The following TCIRG1 variants were observed in gnomAD, a reference collection of about 807,000 sequenced individuals.
TCIRG1 encodes the protein V-type proton ATPase 116 kDa subunit a 3.
In TCIRG1, 86 loss-of-function variants were observed where a neutral mutation model predicts 95.5. That is an observed-to-expected ratio of 0.90 (90% CI 0.76 to 1.08). The LOEUF is 1.08. TCIRG1 is among the 50% of genes least tolerant of loss of function. The pLI is 0.00. For missense variants in TCIRG1, 1,069 were observed against 1,140.2 expected, an observed-to-expected ratio of 0.94 and a Z score of 0.90; for synonymous variants, 499 against 501.3, an observed-to-expected ratio of 1.00 and a Z score of 0.06.
intron 9 of TCIRG1, 190 bp from the exon 10 acceptor site, chr11:68,044,768 C>T: frequency 1.4e-6 from 1 of 711,592 alleles, no homozygotes; most frequent in Non-Finnish European, 2.3e-6. Context: ...AAGCAATTGC[C>T]AATCCATGTG....
At chr11:68,049,895 G>T in intron 16 of TCIRG1, 67 bp from the exon 17 acceptor site, 1 of 1,559,236 alleles carries the variant, frequency 6.4e-7, no homozygotes, top group African/African-American at 1.4e-5. Flanking sequence ...GCCAGGAGCA[G>T]GCCTGGCGGG....
chr11:68,044,303 C>G lies in TCIRG1; in HGVS notation c.979C>G (p.Arg327Gly). ...CATTGCCGAGGCCTGGTGCTCTGTG[C>G]GAGACCTGCCCGCCCTGCAGGAGGC... ...CLIAEAWCSV[R>G]DLPALQEALR... Residue 327 changes from arginine (R) to glycine (G), a missense_variant, in exon 9 of 20, where the codon CGA becomes GGA. Physicochemically the swap from Arg to Gly is moderately radical, Grantham distance 125. Transcript: ENST00000265686. The G allele has an allele frequency of 1.2e-6, 2 of 1,602,622 alleles. No homozygotes were observed. Among genetic ancestry groups the G allele is most frequent in the Non-Finnish European group, 8.5e-7 (1 of 1,176,948 alleles).
rs1437119913 is a variant in TCIRG1, at chr11:68,049,685, TGGTCCTGGC to T, written c.1911_1919del (p.Val638_Ala640del). ...CAGGAGGTGGTCCAGGCCACGCTGG[TGGTCCTGGC>T]CTTGGCCATGGTGCCCATCCTGCTG... On this transcript the variant is annotated inframe_deletion, in exon 16 of 20. Transcript: ENST00000265686. 1.2e-6 allele frequency: 2 copies of T among 1,600,756 alleles called. No homozygotes were observed. The highest frequency in any genetic ancestry group is 2.7e-5 in the African/African-American group (2 of 74,850).
chr11:68,044,227 C>T lies in TCIRG1; in HGVS notation c.903C>T (p.Ala301=), dbSNP rs773632286. Residue 301 remains alanine (A), a synonymous_variant, in exon 9 of 20, where the codon GCC becomes GCT. Transcript: ENST00000265686. ...PGQVQVHKMK[A]VYLALNQCSV... ...AGGTGCAGGTCCACAAGATGAAGGCCGTGTACCTGGCCCTGAACCAGTGCA... is the reference window on the plus strand; with the variant it reads ...AGGTGCAGGTCCACAAGATGAAGGCTGTGTACCTGGCCCTGAACCAGTGCA... 4.4e-5 allele frequency: 70 copies of T among 1,586,688 alleles called. No individual in the cohort carries two copies. The East Asian group carries it at 1.1e-3, about 25-fold the overall frequency.
At chr11:68,050,953 C>T (rs1043610548), downstream of TCIRG1, 32 of 1,009,900 alleles carry the variant, frequency 3.2e-5, no homozygotes, top group Non-Finnish European at 4.2e-5. Flanking sequence ...GGGTAGAAGG[C>T]ATGGTGTAGG....
Position 68,042,954 on chromosome 11 carries a change from C to T in TCIRG1, c.426C>T (p.Ala142=), listed in dbSNP as rs1006980323. The T allele has an allele frequency of 1.9e-5, 29 of 1,553,962 alleles. 1 individual carries two copies. The highest frequency in any genetic ancestry group is 9.6e-5 in the African/African-American group (7 of 73,170). ...TGCTTCTGGGTTCCTAGCTGGCAGCCGCCCACACAGATGGGGCCTCAGAGA... is the reference window on the plus strand; with the variant it reads ...TGCTTCTGGGTTCCTAGCTGGCAGCTGCCCACACAGATGGGGCCTCAGAGA... ...LRQGHEPQLA[A]AHTDGASERT... is the part of the protein sequence containing the mutation. Residue 142 remains alanine, a synonymous_variant, in exon 5 of 20, where the codon GCC becomes GCT. Transcript: ENST00000265686.
At chr11:68,049,875 C>T (rs1855707921) in intron 16 of TCIRG1, 87 bp downstream of exon 16, 1 of 1,556,592 alleles carries the variant, frequency 6.4e-7, no homozygotes, top group Non-Finnish European at 8.7e-7. Context: ...TCCTGACAGA[C>T]TCCTGAGTGG....
At chr11:68,041,638 C>T (rs998261191) in intron 2 of TCIRG1, 115 bp from the exon 3 acceptor site, 2 of 901,850 alleles carry the variant, frequency 2.2e-6, no homozygotes, top group African/African-American at 3.3e-5. Flanking sequence ...CAGGGCACTC[C>T]ACACCTTTCT....
downstream of TCIRG1, among the ~76,000 whole-genome samples, chr11:68,051,872 A>G (rs1396754659): frequency 6.6e-6 from 1 of 152,140 alleles, no homozygotes; most frequent in Non-Finnish European, 1.5e-5. Flanking sequence ...AGGTGGGGAT[A>G]GGTGAGCAGC....
rs1004745337 is a variant in TCIRG1, at chr11:68,041,155, G to C, written c.-4-113G>C. On this transcript the variant is annotated intron_variant, in intron 1 of 19. Transcript: ENST00000265686. ...GCCTCAGTTTCCACCTCTGTCAGAT[G>C]GGGGTGGTAACAGCAGCTTCCAGGA... is the stretch of plus-strand genomic sequence containing the variant. 4 of 782,238 alleles carry C rather than the reference G, an allele frequency of 5.1e-6. No individual in the cohort carries two copies. The African/African-American group carries it at 6.7e-5, about 13-fold the overall frequency. The allele number at this position is 782,238 out of a possible 1,614,324, so 48.5% of individuals were successfully genotyped here.
rs763513622 is a variant in TCIRG1 at position 68,042,938 on chromosome 11, G to A, written c.418-8G>A. 30 of 1,552,830 alleles carry A rather than the reference G, an allele frequency of 1.9e-5. No individual in the cohort carries two copies. The African/African-American group carries it at 3.5e-4, about 18-fold the overall frequency. On this transcript the variant is annotated splice_region_variant and splice_polypyrimidine_tract_variant and intron_variant, in intron 4 of 19. Coordinates refer to ENST00000265686, the MANE Select transcript of TCIRG1 (RefSeq NM_006019.4). ...AGCCTAGGGCTCATGGTGCTTCTGG[G>A]TTCCTAGCTGGCAGCCGCCCACACA...
rs774258481 is a variant in TCIRG1, at chr11:68,049,660, C to T, written c.1888-3C>T. The T allele has an allele frequency of 6.2e-7, 1 of 1,600,322 alleles. No individual in the cohort carries two copies. The highest frequency in any genetic ancestry group is 8.5e-7 in the Non-Finnish European group (1 of 1,179,116). On this transcript the variant is annotated splice_polypyrimidine_tract_variant and splice_region_variant and intron_variant, in intron 15 of 19. Transcript: ENST00000265686. ...GCCCTGACTCTCGCCCTCTCCCTGGCAGGAGGTGGTCCAGGCCACGCTGGT... is the reference window on the plus strand; with the variant it reads ...GCCCTGACTCTCGCCCTCTCCCTGGTAGGAGGTGGTCCAGGCCACGCTGGT...
At chr11:68,043,317 G>A (rs1855273351) in intron 5 of TCIRG1, 54 bp from the exon 6 acceptor site, 3 of 1,527,226 alleles carry the variant, frequency 2.0e-6, no homozygotes, top group Non-Finnish European at 2.6e-6. Flanking sequence ...GGGGCCTGGT[G>A]GGGGAGGCAG....
rs1855557603 is a variant in TCIRG1, at chr11:68,047,430, C to G, written c.1166-3C>G. The G allele has an allele frequency of 6.2e-7, 1 of 1,613,808 alleles. No homozygotes were observed. Among genetic ancestry groups the G allele is most frequent in the Non-Finnish European group, 8.5e-7 (1 of 1,179,942 alleles). On this transcript the variant is annotated splice_region_variant and splice_polypyrimidine_tract_variant and intron_variant, in intron 10 of 19. Coordinates refer to ENST00000265686, the MANE Select transcript of TCIRG1 (RefSeq NM_006019.4). ...TTCCCAGCTCACCCACCTCTGCCCA[C>G]AGCTCCCTACACCATCATCACCTTC...
In TCIRG1 at chr11:68,047,701, T is replaced by TC; in HGVS notation, c.1362dup (p.Ile455HisfsTer35). Reference sequence around the variant, plus strand: ...CCTGCTCCTGCTTATGGGCCTGTTCTCCATCTACACCGGCTTCATCTACAA... The same window carrying TC: ...CCTGCTCCTGCTTATGGGCCTGTTCTCCCATCTACACCGGCTTCATCTACAA... On this transcript the variant is annotated frameshift_variant, in exon 12 of 20. Transcript: ENST00000265686. LOFTEE classifies it high-confidence loss of function. 1 of 1,612,142 alleles carries TC rather than the reference T, an allele frequency of 6.2e-7. No individual in the cohort carries two copies. Among genetic ancestry groups the TC allele is most frequent in the Non-Finnish European group, 8.5e-7 (1 of 1,179,490 alleles).
rs1430194265 is a variant in TCIRG1 at position 68,041,835 on chromosome 11, A to G, written c.196+4A>G. Reference sequence around the variant, plus strand: ...GAGGAGCTGGAGAAGACCTTCAGTGAGTTGGTCCCAGGCCTACATTCCAGG... The same window carrying G: ...GAGGAGCTGGAGAAGACCTTCAGTGGGTTGGTCCCAGGCCTACATTCCAGG... On this transcript the variant is annotated splice_donor_region_variant and intron_variant, in intron 3 of 19. Transcript: ENST00000265686. The G allele has an allele frequency of 8.1e-6, 13 of 1,603,368 alleles. No individual in the cohort carries two copies. The highest frequency in any genetic ancestry group is 1.1e-5 in the Non-Finnish European group (13 of 1,174,720).
At chr11:68,040,007 A>G (rs564720622) in intron 1 of TCIRG1, 29 of 152,486 alleles carry the variant, frequency 1.9e-4, no homozygotes, top group African/African-American at 7.0e-4. Flanking sequence ...TGCTGGGCAC[A>G]TAACATTGGA....
intron 10 of TCIRG1, among the ~76,000 whole-genome samples, 179 bp from the exon 11 acceptor site, chr11:68,047,254 C>CCCCCG (rs1855539232): frequency 1.7e-4 from 2 of 11,604 alleles, no homozygotes; most frequent in Non-Finnish European, 5.1e-4. Flanking sequence ...CGGGTGATGC[C>CCCCCG]CCCCCCCCCC....
At chr11:68,050,928 C>A, downstream of TCIRG1, 1 of 1,287,838 alleles carries the variant, frequency 7.8e-7, no homozygotes, top group Non-Finnish European at 1.1e-6. Context: ...TCCTTTTTAG[C>A]TGAGGCAGGT....
Sources: gnomAD v4.1 joint callset for allele counts (sites outside exome capture counted in the v4.1 genomes callset) on GRCh38, gnomAD v4.1.1 for gene constraint, MANE v1.5 for transcripts, NCBI Gene and HGNC (gene_info 2026-07-23, HGNC 2026-07-21) for gene names.